MRPS18B: variants seen among roughly 807,000 people sequenced by gnomAD.
MRPS18B encodes small ribosomal subunit protein mS40.
In MRPS18B, 27 loss-of-function variants were observed where a neutral mutation model predicts 28.4. That is an observed-to-expected ratio of 0.95 (90% CI 0.70 to 1.31). MRPS18B has a LOEUF of 1.31. Among genes scored for constraint, MRPS18B ranks in the 40% most tolerant of loss-of-function variants. MRPS18B has a pLI of 0.00. For missense variants in MRPS18B, 343 were observed against 335.9 expected (o/e 1.02, Z -0.17); for synonymous variants, 118 against 123.7 (o/e 0.95, Z 0.30).
chr6:30,621,668 G>T (rs1761167298), intron 4 of MRPS18B, among the ~76,000 whole-genome samples: 1 of 152,184 alleles, frequency 6.6e-6, no homozygotes, highest in Non-Finnish European at 1.5e-5. Flanking sequence ...TTATGGCCAG[G>T]TGCGGTGGCT....
intron 4 of MRPS18B, among the ~76,000 whole-genome samples, chr6:30,622,600 T>C (rs61109058): frequency 0.022 from 3,230 of 148,664 alleles, 70 homozygotes; most frequent in South Asian, 0.055. Flanking sequence ...ACTTAACCTC[T>C]GCATAAGAGA....
Position 30,625,965 on chromosome 6 carries a change from G to GCACCACCACACCCA in MRPS18B, c.*168_*169insCACCACCACACCCA. On this transcript the variant is annotated 3_prime_UTR_variant, in exon 7 of 7. Transcript: ENST00000259873. ...AAAAATACAAAAATTAGCTGGGTGT[G>GCACCACCACACCCA]GTGGTGCACACCTGTAGTCTCAACT... The GCACCACCACACCCA allele has an allele frequency of 3.0e-6, 2 of 677,032 alleles. No individual in the cohort carries two copies. Among genetic ancestry groups the GCACCACCACACCCA allele is most frequent in the Non-Finnish European group, 4.9e-6 (2 of 408,202 alleles). The allele number at this position is 677,032 out of a possible 1,614,324, so 41.9% of individuals were successfully genotyped here. A position where few individuals can be genotyped will look rare whatever the true frequency, so the allele number is the denominator to read the frequency against.
chr6:30,622,924 A>G (rs755261955), intron 5 of MRPS18B, 26 bp downstream of exon 5: 1 of 1,608,340 alleles, frequency 6.2e-7, no homozygotes, highest in Non-Finnish European at 8.5e-7. Flanking sequence ...CTGCACCACC[A>G]GAGAGCTTTT....
chr6:30,619,370 T>C, intron 1 of MRPS18B, 123 bp from the exon 2 acceptor site: 3 of 707,762 alleles, frequency 4.2e-6, no homozygotes, highest in Non-Finnish European at 7.1e-6. Context: ...AACTTACATA[T>C]GCATTCCTGT....
rs142972001 is a variant in MRPS18B at position 30,622,914 on chromosome 6, C to G, written c.421+16C>G. 5,063 of 1,611,440 alleles carry G rather than the reference C, an allele frequency of 3.1e-3. 12 individuals carry two copies. The highest frequency in any genetic ancestry group is 5.4e-3 in the Middle Eastern group (33 of 6,058). ...CCATACACAGGTTAGCCCATCATCC[C>G]TGCACCACCAGAGAGCTTTTCCTTG... On this transcript the variant is annotated intron_variant, in intron 5 of 6. Transcript: ENST00000259873.
chr6:30,625,072 A>G, intron 6 of MRPS18B, 130 bp downstream of exon 6: 3 of 933,950 alleles, frequency 3.2e-6, no homozygotes, highest in Non-Finnish European at 5.0e-6. Flanking sequence ...CTGACGTTAC[A>G]TTGTCCCCTG....
intron 4 of MRPS18B, 137 bp from the exon 5 acceptor site, chr6:30,622,695 G>T: frequency 1.4e-6 from 1 of 730,500 alleles, no homozygotes; most frequent in Admixed American, 2.1e-5. Flanking sequence ...ACATGAAGGA[G>T]GATGGCATCT....
intron 5 of MRPS18B, among the ~76,000 whole-genome samples, chr6:30,624,336 TC>T (rs1761351616): frequency 6.6e-6 from 1 of 151,750 alleles, no homozygotes; most frequent in Non-Finnish European, 1.5e-5. Flanking sequence ...CCTCAAGTGA[TC>T]CTCCCACCTA....
chr6:30,621,229 C>T (rs1761138473), intron 4 of MRPS18B, among the ~76,000 whole-genome samples: 2 of 152,038 alleles, frequency 1.3e-5, no homozygotes, highest in African/African-American at 4.8e-5. Context: ...TGGTGAAACC[C>T]TGTCTCTACT....
chr6:30,626,083 C>A lies in MRPS18B; in HGVS notation c.*286C>A. ...CCCTGCACTCCAGCCTGGGTGACAG[C>A]TAGACCCTGTCTCAAAAAAAAAAAA... On this transcript the variant is annotated 3_prime_UTR_variant, in exon 7 of 7. Coordinates refer to ENST00000259873, the MANE Select transcript of MRPS18B (RefSeq NM_014046.4). The A allele has an allele frequency of 2.8e-6, 1 of 355,430 alleles. No homozygotes were observed. Among genetic ancestry groups the A allele is most frequent in the Non-Finnish European group, 5.0e-6 (1 of 200,308 alleles). The allele number at this position is 355,430 out of a possible 1,614,324, so 22.0% of individuals were successfully genotyped here.
In MRPS18B at chr6:30,617,894, T is replaced by C. The variant is rs755137502; in HGVS notation, c.29T>C (p.Leu10Pro). 1 of 1,614,224 alleles carries C rather than the reference T, an allele frequency of 6.2e-7. No individual in the cohort carries two copies. Among genetic ancestry groups the C allele is most frequent in the South Asian group, 1.1e-5 (1 of 91,084 alleles). MAASVLNTV[L>P]RRLPMLSLFR... is the part of the protein sequence containing the mutation. ...GCGGCGTCTGTATTAAACACCGTGCTGAGGCGGCTTCCTATGCTATCTCTC... is the reference window on the plus strand; with the variant it reads ...GCGGCGTCTGTATTAAACACCGTGCCGAGGCGGCTTCCTATGCTATCTCTC... The change falls in exon 1 of 7, where the codon CTG becomes CCG. Residue 10 changes from leucine to proline, a missense_variant. Physicochemically the swap from Leu to Pro is moderately conservative, Grantham distance 98. Coordinates refer to ENST00000259873, the MANE Select transcript of MRPS18B (RefSeq NM_014046.4).
chr6:30,625,692 C>T lies in MRPS18B; in HGVS notation c.672C>T (p.Leu224=), dbSNP rs1761513165. 2 of 1,612,926 alleles carry T rather than the reference C, an allele frequency of 1.2e-6. No homozygotes were observed. Among genetic ancestry groups the T allele is most frequent in the South Asian group, 2.2e-5 (2 of 91,084 alleles). Residue 224 remains leucine, a synonymous_variant, in exon 7 of 7, where the codon CTC becomes CTT. Transcript: ENST00000259873. The part of the protein sequence containing the change: ...SRLRRLYQGH[L]QEESGPPPES... Reference sequence around the variant, plus strand: ...TTCGCCGGCTTTACCAGGGTCATCTCCAAGAAGAGAGTGGCCCCCCACCTG... The same window carrying T: ...TTCGCCGGCTTTACCAGGGTCATCTTCAAGAAGAGAGTGGCCCCCCACCTG...
chr6:30,618,098 C>G (rs866303044), intron 1 of MRPS18B, among the ~76,000 whole-genome samples, 155 bp downstream of exon 1: 10 of 149,278 alleles, frequency 6.7e-5, no homozygotes, highest in African/African-American at 2.5e-4. Context: ...ACACCCCGCG[C>G]ATTTTCTAAT....
intron 5 of MRPS18B, 87 bp downstream of exon 5, chr6:30,622,985 G>A: frequency 2.2e-6 from 3 of 1,338,888 alleles, no homozygotes; most frequent in South Asian, 2.4e-5. Flanking sequence ...TTTGTTCAGT[G>A]GCTCCTGCTT....
intron 6 of MRPS18B, among the ~76,000 whole-genome samples, chr6:30,625,282 A>G (rs889455667): frequency 6.6e-6 from 1 of 152,178 alleles, no homozygotes; most frequent in African/African-American, 2.4e-5. Flanking sequence ...ATGCAGCTTC[A>G]TAGTCCTTGT....
At chr6:30,624,826 C>G in intron 5 of MRPS18B, 57 bp from the exon 6 acceptor site, 1 of 1,576,202 alleles carries the variant, frequency 6.3e-7, no homozygotes, top group Non-Finnish European at 8.7e-7. Context: ...CATATGGAAG[C>G]AGTTGTGTTC....
chr6:30,624,800 T>TCTAC, intron 5 of MRPS18B, 83 bp from the exon 6 acceptor site: 1 of 1,493,226 alleles, frequency 6.7e-7, no homozygotes, highest in Non-Finnish European at 9.3e-7. Flanking sequence ...TCCTTCCCAA[T>TCTAC]CTACCCCTCT....
chr6:30,620,592 C>T (rs1298235427), intron 4 of MRPS18B, among the ~76,000 whole-genome samples: 3 of 149,840 alleles, frequency 2.0e-5, no homozygotes, highest in African/African-American at 7.3e-5. Flanking sequence ...TTTTTTGAGA[C>T]GGAGTCTTAC....
chr6:30,623,412 CAG>C (rs1254650567), intron 5 of MRPS18B, among the ~76,000 whole-genome samples: 1 of 151,884 alleles, frequency 6.6e-6, no homozygotes, highest in Non-Finnish European at 1.5e-5. Context: ...AATTGATAAA[CAG>C]TGATTAATTC....
Sources: gnomAD v4.1 joint callset for allele counts (sites outside exome capture counted in the v4.1 genomes callset) on GRCh38, gnomAD v4.1.1 for gene constraint, MANE v1.5 for transcripts, NCBI Gene and HGNC (gene_info 2026-07-23, HGNC 2026-07-21) for gene names.